The following SULF2 variants were observed in gnomAD, a reference collection of about 807,000 sequenced individuals.
The protein encoded by SULF2 is extracellular sulfatase Sulf-2.
Under a neutral mutation model 107.7 loss-of-function variants are expected in SULF2, and 52 were observed. The observed-to-expected ratio is 0.48, with a 90% CI of 0.39 to 0.61. SULF2 has a LOEUF of 0.61. SULF2 is among the 20% of genes least tolerant of loss of function. The pLI is 0.00. For missense variants in SULF2, 993 were observed against 1,177.3 expected, an observed-to-expected ratio of 0.84 and a Z score of 2.29; for synonymous variants, 460 against 464.3, an observed-to-expected ratio of 0.99 and a Z score of 0.12.
In SULF2 at chr20:47,666,351, CAG is replaced by C; in HGVS notation, c.1712_1713del (p.Pro571ArgfsTer5). ...NLTKRHWPGA[P>X]EDQDDKDGGD... ...CCACCATCCTTGTCATCTTGGTCCT[CAG>C]GGGCCCCTGGCCAGTGCCGCTTGGT... On this transcript the variant is annotated frameshift_variant, in exon 12 of 21. Transcript: ENST00000688720. LOFTEE classifies it high-confidence loss of function. The surrounding 1 kb of genome is among the most constrained non-coding windows in gnomAD (Gnocchi z 5.4). The C allele has an allele frequency of 6.2e-7, 1 of 1,614,236 alleles. No individual in the cohort carries two copies. The highest frequency in any genetic ancestry group is 8.5e-7 in the Non-Finnish European group (1 of 1,180,056).
intron 2 of SULF2, among the ~76,000 whole-genome samples, chr20:47,742,121 C>A (rs560281820): frequency 9.2e-5 from 14 of 152,334 alleles, no homozygotes; most frequent in African/African-American, 1.9e-4. Context: ...TGTGCTAAGC[C>A]TCCCCTTGGG....
chr20:47,690,128 G>A lies in SULF2; in HGVS notation c.735C>T (p.His245=), dbSNP rs1390302926. 2.0e-6 allele frequency: 3 copies of A among 1,479,456 alleles called. No homozygotes were observed. The highest frequency in any genetic ancestry group is 2.7e-6 in the Non-Finnish European group (3 of 1,105,972). The allele number at this position is 1,479,456 out of a possible 1,614,324, so 91.6% of individuals were successfully genotyped here. ...YSRLFPNASQ[H]ITPSYNYAPN... ...GCAGGCAGAGTGCTGAGGCTTACATGTGCTGAGATGCGTTTGGGAAGAGGC... is the reference window on the plus strand; with the variant it reads ...GCAGGCAGAGTGCTGAGGCTTACATATGCTGAGATGCGTTTGGGAAGAGGC... The change falls in exon 5 of 21, where the codon CAC becomes CAT. Residue 245 remains histidine (H), a splice_region_variant and synonymous_variant. Transcript: ENST00000688720.
At chr20:47,747,948 C>A (rs963157229) in intron 2 of SULF2, among the ~76,000 whole-genome samples, 36 of 152,192 alleles carry the variant, frequency 2.4e-4, no homozygotes, top group African/African-American at 8.7e-4. Context: ...CTGCTCCGTA[C>A]CACCAGCATC....
chr20:47,757,214 C>G lies in SULF2; in HGVS notation c.150G>C (p.Leu50=). The change falls in exon 2 of 21, where the codon CTG becomes CTC. Residue 50 remains leucine (L), a synonymous_variant. Transcript: ENST00000688720. ...RNIRPNIILV[L]TDDQDVELGS... ...CCAGCTCCACATCCTGGTCGTCCGT[C>G]AGCACCAGGATGATGTTGGGGCGGA... The G allele has an allele frequency of 6.4e-7, 1 of 1,561,050 alleles. No homozygotes were observed. The highest frequency in any genetic ancestry group is 1.2e-5 in the South Asian group (1 of 84,928).
chr20:47,689,927 C>T, intron 5 of SULF2, 199 bp downstream of exon 5: 1 of 458,810 alleles, frequency 2.2e-6, no homozygotes, highest in Non-Finnish European at 3.5e-6. Flanking sequence ...AATTCTCCTG[C>T]CTTGGTCTGT....
intron 7 of SULF2, among the ~76,000 whole-genome samples, chr20:47,682,240 C>T (rs1254825969): frequency 6.6e-6 from 1 of 152,240 alleles, no homozygotes; most frequent in Non-Finnish European, 1.5e-5. Context: ...CTGTCAACGC[C>T]TTTTCAGGAG....
At chr20:47,772,116 G>A (rs887714849) in intron 1 of SULF2, among the ~76,000 whole-genome samples, 14 of 152,170 alleles carry the variant, frequency 9.2e-5, no homozygotes, top group African/African-American at 1.9e-4. Context: ...ACCCAAATCT[G>A]GGCCTAAATT....
intron 1 of SULF2, among the ~76,000 whole-genome samples, chr20:47,766,949 G>GAAA (rs11412080): frequency 1.4e-5 from 2 of 140,294 alleles, no homozygotes; most frequent in African/African-American, 2.7e-5. Flanking sequence ...ATGATCAGTA[G>GAAA]AAAAAAAAAA....
intron 11 of SULF2, among the ~76,000 whole-genome samples, chr20:47,670,000 G>T (rs1266599731): frequency 6.6e-6 from 1 of 152,164 alleles, no homozygotes; most frequent in East Asian, 1.9e-4. Context: ...GTGAGGAAAT[G>T]TAACGGAGGG....
At chr20:47,732,266 A>G (rs941225402) in intron 3 of SULF2, among the ~76,000 whole-genome samples, 1 of 152,174 alleles carries the variant, frequency 6.6e-6, no homozygotes, top group Non-Finnish European at 1.5e-5. Context: ...TTTAATCTTC[A>G]CAAAACTCTA....
Position 47,659,736 on chromosome 20 carries a change from T to C in SULF2, c.2495-6A>G. Reference sequence around the variant, plus strand: ...GCTTCCTCCATCTTTAAGTCCTAAATGAAGGAGAAATGAAAAACAAAACAG... The same window carrying C: ...GCTTCCTCCATCTTTAAGTCCTAAACGAAGGAGAAATGAAAAACAAAACAG... On this transcript the variant is annotated splice_region_variant and splice_polypyrimidine_tract_variant and intron_variant, in intron 18 of 20. Coordinates refer to ENST00000688720, the MANE Select transcript of SULF2 (RefSeq NM_001387048.1). 1.2e-6 allele frequency: 2 copies of C among 1,612,144 alleles called. No individual in the cohort carries two copies. The highest frequency in any genetic ancestry group is 3.3e-4 in the Middle Eastern group (2 of 6,060).
chr20:47,660,871 TC>T (rs1296067569), intron 18 of SULF2, among the ~76,000 whole-genome samples: 1 of 152,164 alleles, frequency 6.6e-6, no homozygotes, highest in Non-Finnish European at 1.5e-5. Context: ...TACCTGGGAC[TC>T]CTAATCCCGC....
chr20:47,661,587 A>T, intron 18 of SULF2, 186 bp downstream of exon 18: 1 of 459,984 alleles, frequency 2.2e-6, no homozygotes, highest in Non-Finnish European at 3.8e-6. Context: ...TTCCTCTCTC[A>T]GGAATCACAG....
chr20:47,670,857 A>C (rs2087446323), intron 11 of SULF2, among the ~76,000 whole-genome samples: 1 of 151,836 alleles, frequency 6.6e-6, no homozygotes, highest in Admixed American at 6.6e-5. Context: ...TTAAGATGAT[A>C]AATTTTATGG....
chr20:47,679,865 T>C (rs1478255449), intron 7 of SULF2, among the ~76,000 whole-genome samples: 1 of 152,130 alleles, frequency 6.6e-6, no homozygotes, highest in Non-Finnish European at 1.5e-5. Flanking sequence ...TATTCGGAAC[T>C]GCGCCCCCTC....
chr20:47,663,531 T>C lies in SULF2; in HGVS notation c.2149A>G (p.Asn717Asp), dbSNP rs200041967. ...AGGCCTGGCATGCTGCACGTGTCGT[T>C]GTTCTGCAGGCGCTTGAGCAGCTTG... ...LRKLLKRLQN[N>D]DTCSMPGLTC... Residue 717 changes from asparagine to aspartate, a missense_variant, in exon 16 of 21, where the codon AAC becomes GAC. Asn to Asp is a conservative substitution (Grantham distance 23). Around this residue, in one of 3 missense-constraint regions of SULF2, gnomAD observed 497 missense variants for 544.1 expected, o/e 0.91. Coordinates refer to ENST00000688720, the MANE Select transcript of SULF2 (RefSeq NM_001387048.1). 7.5e-4 allele frequency: 1,205 copies of C among 1,613,040 alleles called. 1 individual carries two copies. Among genetic ancestry groups the C allele is most frequent in the Admixed American group, 3.4e-3 (204 of 60,018 alleles).
At chr20:47,720,819 G>A (rs2089274640) in intron 3 of SULF2, among the ~76,000 whole-genome samples, 1 of 152,098 alleles carries the variant, frequency 6.6e-6, no homozygotes, top group South Asian at 2.1e-4. Context: ...TGGCTTCCTG[G>A]GGCTCCCGGT....
At chr20:47,761,400 C>CA (rs1483489457) in intron 1 of SULF2, among the ~76,000 whole-genome samples, 2 of 152,208 alleles carry the variant, frequency 1.3e-5, no homozygotes, top group Non-Finnish European at 2.9e-5. Flanking sequence ...CAGAGCCCTT[C>CA]AGTGATTATT....
intron 4 of SULF2, among the ~76,000 whole-genome samples, chr20:47,696,405 C>CT (rs1459742373): frequency 6.6e-6 from 1 of 151,406 alleles, no homozygotes; most frequent in Non-Finnish European, 1.5e-5. Flanking sequence ...CCTTACCACC[C>CT]CCCCACCCCC....
Sources: gnomAD v4.1 joint callset for allele counts (sites outside exome capture counted in the v4.1 genomes callset) on GRCh38, gnomAD v4.1.1 for gene constraint, gnomAD v4.1.1 regional missense constraint, Gnocchi (gnomAD v3.1) non-coding constraint, MANE v1.5 for transcripts, NCBI Gene and HGNC (gene_info 2026-07-23, HGNC 2026-07-21) for gene names.